CSNK1G1: variants seen among roughly 807,000 people sequenced by gnomAD.
CSNK1G1 encodes casein kinase I isoform gamma-1.
Under a neutral mutation model 59.6 loss-of-function variants are expected in CSNK1G1, and 22 were observed. The ratio of observed to expected loss-of-function variants is 0.37; its 90% CI spans 0.26 to 0.53. The LOEUF (loss-of-function observed/expected upper bound fraction) is 0.53, where lower values mean the gene tolerates loss of function less well. Among genes scored for constraint, CSNK1G1 ranks in the 20% least tolerant of loss-of-function variants. CSNK1G1 has a pLI of 0.89. For synonymous variants in CSNK1G1, 179 were observed against 177.1 expected, an observed-to-expected ratio of 1.01 and a Z score of -0.08; for missense variants, 384 against 519.5, an observed-to-expected ratio of 0.74 and a Z score of 2.54.
intron 10 of CSNK1G1, among the ~76,000 whole-genome samples, chr15:64,183,473 A>C (rs1476313162): frequency 1.3e-5 from 2 of 152,222 alleles, no homozygotes; most frequent in South Asian, 2.1e-4. Flanking sequence ...CTGGTTTGTC[A>C]AACTACTGAA....
chr15:64,304,763 G>A (rs1450253135), intron 1 of CSNK1G1, among the ~76,000 whole-genome samples: 4 of 152,120 alleles, frequency 2.6e-5, no homozygotes, highest in African/African-American at 9.7e-5. Flanking sequence ...AACACCCTGG[G>A]TTTTTGTTAA....
intron 1 of CSNK1G1, among the ~76,000 whole-genome samples, chr15:64,324,669 C>T (rs942479019): frequency 6.6e-6 from 1 of 152,236 alleles, no homozygotes; most frequent in African/African-American, 2.4e-5. Context: ...GAGTCTTCAC[C>T]TTGTGACTGT....
chr15:64,304,437 T>C (rs1301821028), intron 1 of CSNK1G1, among the ~76,000 whole-genome samples: 1 of 148,782 alleles, frequency 6.7e-6, no homozygotes, highest in Non-Finnish European at 1.5e-5. Flanking sequence ...TAATATTCAA[T>C]GCTACTTTAT....
chr15:64,252,773 G>T (rs923120316), intron 3 of CSNK1G1, among the ~76,000 whole-genome samples: 11 of 152,206 alleles, frequency 7.2e-5, no homozygotes, highest in Admixed American at 6.5e-4. Flanking sequence ...AAACCTCAGA[G>T]ATAAAGCAGC....
At chr15:64,318,769 C>A (rs116626852) in intron 1 of CSNK1G1, among the ~76,000 whole-genome samples, 1,877 of 151,858 alleles carry the variant, frequency 0.012, 29 homozygotes, top group African/African-American at 0.044. Context: ...TGCTAACGAG[C>A]CTGGCTAATT....
At chr15:64,314,543 T>G (rs1244881806) in intron 1 of CSNK1G1, among the ~76,000 whole-genome samples, 2 of 145,816 alleles carry the variant, frequency 1.4e-5, no homozygotes, top group African/African-American at 2.6e-5. Flanking sequence ...AAAACTATCT[T>G]CACCACACTG....
At chr15:64,278,412 G>GTGT (rs1212759598) in intron 2 of CSNK1G1, among the ~76,000 whole-genome samples, 3 of 110,376 alleles carry the variant, frequency 2.7e-5, no homozygotes, top group Non-Finnish European at 5.2e-5. Flanking sequence ...GTGTGTGTGT[G>GTGT]TGTGTGTATA....
rs1348523005 is a variant in CSNK1G1, at chr15:64,169,793, C to G, written c.*2138G>C. On this transcript the variant is annotated 3_prime_UTR_variant, in exon 12 of 12. Coordinates refer to ENST00000303052, the MANE Select transcript of CSNK1G1 (RefSeq NM_022048.5). The stretch of plus-strand genomic sequence containing the variant: ...AAACATTTATAGAAATGACATATTA[C>G]CATCTTTTCATAAGCTAAGCAGGTT... 6.6e-6 allele frequency: 1 copy of G among 152,120 alleles called. No individual in the cohort carries two copies. The highest frequency in any genetic ancestry group is 1.5e-5 in the Non-Finnish European group (1 of 68,030). The allele number at this position is 152,120 out of a possible 1,614,324, so 9.4% of individuals were successfully genotyped here. A position where few individuals can be genotyped will look rare whatever the true frequency, so the allele number is the denominator to read the frequency against.
intron 1 of CSNK1G1, among the ~76,000 whole-genome samples, chr15:64,309,598 G>C (rs1056062494): frequency 1.3e-5 from 2 of 152,180 alleles, no homozygotes; most frequent in Non-Finnish European, 2.9e-5. Flanking sequence ...ACTGTGATTA[G>C]TGCTATGGTG....
Position 64,203,125 on chromosome 15 carries a change from G to T in CSNK1G1, c.1064C>A (p.Thr355Lys). 1.9e-6 allele frequency: 3 copies of T among 1,614,094 alleles called. No individual in the cohort carries two copies. Among genetic ancestry groups the T allele is most frequent in the Non-Finnish European group, 2.5e-6 (3 of 1,179,958 alleles). Reference protein sequence around the residue: ...GASAITRESHTHRDRPSQQQP... With the variant: ...GASAITRESHKHRDRPSQQQP... ...CTGTTGTGATGGCCGATCCCTATGT[G>T]TGTGGCTTTCTCGAGTTATTGCAGA... The change falls in exon 10 of 12, where the codon ACA becomes AAA. Residue 355 changes from threonine (T) to lysine (K), a missense_variant. Thr to Lys is a moderately conservative substitution (Grantham distance 78). This residue lies in a region of CSNK1G1 where 325 missense variants were observed against 440.9 expected (regional missense o/e 0.74). Transcript: ENST00000303052.
intron 1 of CSNK1G1, among the ~76,000 whole-genome samples, chr15:64,307,814 G>A (rs1460497795): frequency 6.6e-6 from 1 of 152,130 alleles, no homozygotes; most frequent in Non-Finnish European, 1.5e-5. Context: ...AGCCTCCTGA[G>A]TAGCTGGGAC....
chr15:64,335,814 A>G (rs925560114), intron 1 of CSNK1G1: 3 of 152,300 alleles, frequency 2.0e-5, no homozygotes, highest in Admixed American at 2.0e-4. Flanking sequence ...AAGTCAACAA[A>G]TTCTTGCTGT....
intron 1 of CSNK1G1, among the ~76,000 whole-genome samples, chr15:64,314,552 T>C (rs1377294362): frequency 2.2e-5 from 3 of 133,874 alleles, no homozygotes; most frequent in Non-Finnish European, 3.1e-5. Context: ...TTCACCACAC[T>C]GTACCACAGA....
In CSNK1G1 at chr15:64,207,491, G is replaced by C. The variant is rs1412613878; in HGVS notation, c.765+18C>G. On this transcript the variant is annotated intron_variant, in intron 7 of 11. Transcript: ENST00000303052. Reference sequence around the variant, plus strand: ...GAGCATTGAAACAAAGCCCTCCACTGAACACTTTCAAGGATACCTTGAGTC... The same window carrying C: ...GAGCATTGAAACAAAGCCCTCCACTCAACACTTTCAAGGATACCTTGAGTC... 1.9e-6 allele frequency: 3 copies of C among 1,577,688 alleles called. No individual in the cohort carries two copies. Among genetic ancestry groups the C allele is most frequent in the Admixed American group, 1.7e-5 (1 of 59,902 alleles).
chr15:64,303,823 G>A (rs1224790878), intron 1 of CSNK1G1, among the ~76,000 whole-genome samples: 2 of 150,194 alleles, frequency 1.3e-5, no homozygotes, highest in East Asian at 3.9e-4. Flanking sequence ...GGAGGCTGAA[G>A]TTGGAGAATT....
intron 1 of CSNK1G1, among the ~76,000 whole-genome samples, chr15:64,324,410 A>C (rs1309307409): frequency 6.6e-6 from 1 of 152,248 alleles, no homozygotes; most frequent in East Asian, 1.9e-4. Flanking sequence ...AGGCAGAAGA[A>C]GACAAAAGAG....
At chr15:64,340,679 T>C (rs532811736) in intron 1 of CSNK1G1, among the ~76,000 whole-genome samples, 1 of 152,290 alleles carries the variant, frequency 6.6e-6, no homozygotes, top group East Asian at 1.9e-4. Flanking sequence ...TAAGGTCATG[T>C]ATGTTGGCTC....
chr15:64,289,977 T>G (rs1894648352), intron 2 of CSNK1G1, among the ~76,000 whole-genome samples: 1 of 151,914 alleles, frequency 6.6e-6, no homozygotes, highest in African/African-American at 2.4e-5. Context: ...GAATGGCTAT[T>G]ATTATTATTT....
chr15:64,209,315 A>T (rs1340748668), intron 6 of CSNK1G1, among the ~76,000 whole-genome samples: 1 of 152,244 alleles, frequency 6.6e-6, no homozygotes, highest in African/African-American at 2.4e-5. Flanking sequence ...AGAAAGTAAA[A>T]CCCAAGAGAG....
Sources: allele counts gnomAD v4.1 joint callset (sites outside exome capture counted in the v4.1 genomes callset), GRCh38; gene constraint gnomAD v4.1.1; regional missense constraint gnomAD v4.1.1; transcripts MANE v1.5; gene names NCBI Gene and HGNC (gene_info 2026-07-23, HGNC 2026-07-21).